The following COL5A2 variants were observed in gnomAD, a reference collection of about 807,000 sequenced individuals.
COL5A2 encodes the protein collagen alpha-2(V) chain.
COL5A2 carries 23 observed loss-of-function variants against 208.2 expected under a neutral mutation model. That is an observed-to-expected ratio of 0.11 (90% CI 0.08 to 0.16). The LOEUF (loss-of-function observed/expected upper bound fraction) is 0.16, where lower values mean the gene tolerates loss of function less well. Ranked by LOEUF, COL5A2 falls within the 10% of genes least tolerant of loss-of-function variation. The pLI, the probability that COL5A2 is intolerant of heterozygous loss-of-function variation, is 1.00. For synonymous variants in COL5A2, 625 were observed against 628.5 expected (o/e 0.99, Z 0.08); for missense variants, 1,590 against 1,956.4 (o/e 0.81, Z 3.53).
the COL5A2 span, among the ~76,000 whole-genome samples, chr2:189,279,073 CTTAAA>C: frequency 1.4e-4 from 21 of 151,712 alleles, no homozygotes; most frequent in African/African-American, 4.6e-4. Flanking sequence ...TACGAATATC[CTTAAA>C]TTAAATGCAC....
At chr2:189,091,512 A>G (rs887171845) in intron 7 of COL5A2, among the ~76,000 whole-genome samples, 2 of 152,198 alleles carry the variant, frequency 1.3e-5, no homozygotes, top group South Asian at 4.1e-4. Flanking sequence ...CAAAAAGATT[A>G]TGGCTTGCTG....
At chr2:189,376,416 AG>A in the COL5A2 span, among the ~76,000 whole-genome samples, 1 of 152,308 alleles carries the variant, frequency 6.6e-6, no homozygotes, top group East Asian at 1.9e-4. Flanking sequence ...TGAAAAAAAA[AG>A]ATAAAAATAT....
At chr2:189,352,865 C>T in the COL5A2 span, among the ~76,000 whole-genome samples, 5 of 152,114 alleles carry the variant, frequency 3.3e-5, no homozygotes, top group African/African-American at 4.8e-5. Flanking sequence ...TCTTTGCCCA[C>T]GGCTATGTTC....
chr2:189,137,801 T>A (rs1227451992), intron 1 of COL5A2, among the ~76,000 whole-genome samples: 1 of 152,192 alleles, frequency 6.6e-6, no homozygotes. Context: ...ATAAATGATG[T>A]GTGCCTAGGA....
chr2:189,126,453 A>T (rs553041078), intron 1 of COL5A2, among the ~76,000 whole-genome samples: 2 of 152,052 alleles, frequency 1.3e-5, no homozygotes, highest in African/African-American at 4.8e-5. Context: ...TTCTTTTCAT[A>T]GTGCTAAACA....
chr2:189,378,338 G>A, the COL5A2 span, among the ~76,000 whole-genome samples: 1 of 152,146 alleles, frequency 6.6e-6, no homozygotes, highest in African/African-American at 2.4e-5. Flanking sequence ...CAACATAGAT[G>A]CCATCATTTA....
At chr2:189,203,897 CTTT>C (rs980659605) in intron 1 of COL5A2, among the ~76,000 whole-genome samples, 1 of 144,988 alleles carries the variant, frequency 6.9e-6, no homozygotes. Context: ...TCTTTTTTGT[CTTT>C]TTTTTTTTTT....
the COL5A2 span, among the ~76,000 whole-genome samples, chr2:189,377,791 C>T: frequency 6.6e-6 from 1 of 152,176 alleles, no homozygotes; most frequent in Admixed American, 6.5e-5. Context: ...AAGAATCATG[C>T]ATCACAGAAT....
At chr2:189,274,746 CA>C in the COL5A2 span, among the ~76,000 whole-genome samples, 3 of 147,998 alleles carry the variant, frequency 2.0e-5, no homozygotes, top group East Asian at 4.0e-4. Flanking sequence ...ATGCCAAAGA[CA>C]AAAAAAAACA....
intron 32 of COL5A2, among the ~76,000 whole-genome samples, 158 bp downstream of exon 32, chr2:189,058,691 G>T (rs2105578743): frequency 6.6e-6 from 1 of 152,222 alleles, no homozygotes; most frequent in African/African-American, 2.4e-5. Context: ...GTAAGGATAT[G>T]CTAGTTTCAT....
At chr2:189,295,793 T>A in the COL5A2 span, among the ~76,000 whole-genome samples, 23 of 151,628 alleles carry the variant, frequency 1.5e-4, no homozygotes, top group Middle Eastern at 3.4e-3. Context: ...GCCTCCTTTT[T>A]TAAAATTGAG....
intron 1 of COL5A2, among the ~76,000 whole-genome samples, chr2:189,190,263 C>T (rs1330413655): frequency 2.0e-5 from 3 of 152,124 alleles, no homozygotes; most frequent in East Asian, 1.9e-4. Flanking sequence ...TGTTGTTTTA[C>T]AGAGACTTAC....
At chr2:189,280,863 T>C in the COL5A2 span, among the ~76,000 whole-genome samples, 68 of 152,138 alleles carry the variant, frequency 4.5e-4, no homozygotes, top group Non-Finnish European at 8.5e-4. Flanking sequence ...CCTGAACTCT[T>C]CCACTTAAGA....
At chr2:189,166,131 T>C (rs535299370) in intron 1 of COL5A2, among the ~76,000 whole-genome samples, 1 of 152,200 alleles carries the variant, frequency 6.6e-6, no homozygotes, top group South Asian at 2.1e-4. Context: ...CCTTACATTT[T>C]AGGCATTTCA....
intron 1 of COL5A2, among the ~76,000 whole-genome samples, chr2:189,115,392 A>G (rs1463468374): frequency 6.8e-6 from 1 of 148,046 alleles, no homozygotes; most frequent in Non-Finnish European, 1.5e-5. Context: ...TTTTCACACA[A>G]TTACACCTGT....
chr2:189,075,329 G>T, intron 17 of COL5A2, 64 bp downstream of exon 17: 2 of 1,209,536 alleles, frequency 1.7e-6, no homozygotes, highest in South Asian at 1.2e-5. Context: ...AAATGTTTTT[G>T]AATGTACAAA....
chr2:189,200,094 A>T (rs536382608), intron 1 of COL5A2, among the ~76,000 whole-genome samples: 2 of 152,286 alleles, frequency 1.3e-5, no homozygotes, highest in African/African-American at 4.8e-5. Flanking sequence ...CAGGTTCAAT[A>T]ACTTCTCTCT....
intron 35 of COL5A2, chr2:189,056,721 A>C: frequency 1.8e-6 from 1 of 550,558 alleles, no homozygotes. Flanking sequence ...AAAGATAAAG[A>C]GGGCCCCCAT....
chr2:189,067,545 A>C (rs867460858), intron 21 of COL5A2, among the ~76,000 whole-genome samples: 14 of 152,164 alleles, frequency 9.2e-5, no homozygotes, highest in South Asian at 8.3e-4. Flanking sequence ...TTTTCTAATA[A>C]ATAATTTCTG....
Sources: allele counts gnomAD v4.1 joint callset (sites outside exome capture counted in the v4.1 genomes callset), GRCh38; gene constraint gnomAD v4.1.1; transcripts MANE v1.5; gene names NCBI Gene and HGNC (gene_info 2026-07-23, HGNC 2026-07-21).